Variants in SH3KBP1 observed in about 807,000 individuals in gnomAD.
SH3KBP1 encodes SH3 domain-containing kinase-binding protein 1.
Under a neutral mutation model 50.1 loss-of-function variants are expected in SH3KBP1, and 8 were observed. The ratio of observed to expected loss-of-function variants is 0.16; its 90% CI spans 0.09 to 0.29. SH3KBP1 has a LOEUF of 0.29. SH3KBP1 is among the 10% of genes least tolerant of loss of function. SH3KBP1 has a pLI of 1.00. For synonymous variants in SH3KBP1, 227 were observed against 218.6 expected, an observed-to-expected ratio of 1.04 and a Z score of -0.34; for missense variants, 377 against 535.2, an observed-to-expected ratio of 0.70 and a Z score of 2.92.
intron 3 of SH3KBP1, among the ~76,000 whole-genome samples, chrX:19,744,740 A>T (rs766773690): frequency 8.9e-6 from 1 of 111,998 alleles, no homozygotes; most frequent in Non-Finnish European, 1.9e-5. Flanking sequence ...GAAAAATTCC[A>T]TAGGGGAACT....
chrX:19,559,918 G>A (rs189435609), intron 13 of SH3KBP1, among the ~76,000 whole-genome samples: 5 of 111,071 alleles, frequency 4.5e-5, no homozygotes, highest in East Asian at 2.8e-4. Context: ...ACATTTCCCC[G>A]TAATAACTTG....
chrX:19,590,809 A>AT (rs34366083), intron 11 of SH3KBP1, among the ~76,000 whole-genome samples: 1,139 of 23,797 alleles, frequency 0.048, 256 homozygotes, highest in Non-Finnish European at 0.058. Flanking sequence ...AGGCCTGGCT[A>AT]TTTTTTTTTT....
chrX:19,653,284 C>G (rs1429977534), intron 6 of SH3KBP1, among the ~76,000 whole-genome samples: 2 of 112,182 alleles, frequency 1.8e-5, no homozygotes, highest in Non-Finnish European at 3.8e-5. Context: ...TCACACCAGC[C>G]TTTTCAATAA....
chrX:19,658,380 T>G (rs1260667187), intron 6 of SH3KBP1, among the ~76,000 whole-genome samples: 1 of 111,990 alleles, frequency 8.9e-6, no homozygotes, highest in African/African-American at 3.2e-5. Flanking sequence ...TAAATCTCGC[T>G]AACACTAAAT....
At chrX:19,627,011 T>C (rs979781761) in intron 8 of SH3KBP1, among the ~76,000 whole-genome samples, 17 of 112,261 alleles carry the variant, frequency 1.5e-4, no homozygotes, top group Admixed American at 4.7e-4. Context: ...AGCGTTCATC[T>C]TGATGTCATC....
chrX:19,822,690 G>A (rs980594686), intron 2 of SH3KBP1, among the ~76,000 whole-genome samples: 3 of 111,929 alleles, frequency 2.7e-5, no homozygotes, highest in African/African-American at 9.7e-5. Context: ...TGATTTTCCT[G>A]GTTCTTGGTA....
At chrX:19,702,378 G>T (rs1193879500) in intron 4 of SH3KBP1, among the ~76,000 whole-genome samples, 1 of 111,552 alleles carries the variant, frequency 9.0e-6, no homozygotes, top group African/African-American at 3.3e-5. Flanking sequence ...ATATTCCATG[G>T]GCACAAGAAG....
At chrX:19,809,358 T>C (rs1052815593) in intron 2 of SH3KBP1, among the ~76,000 whole-genome samples, 4 of 110,750 alleles carry the variant, frequency 3.6e-5, no homozygotes, top group African/African-American at 1.3e-4. Flanking sequence ...ACCCTGTCTC[T>C]ACTAAAATAC....
intron 3 of SH3KBP1, among the ~76,000 whole-genome samples, chrX:19,722,134 C>T (rs1355068733): frequency 2.7e-5 from 3 of 112,414 alleles, no homozygotes; most frequent in Non-Finnish European, 5.6e-5. Context: ...CACATCATAA[C>T]AAAAGAGCCA....
intron 14 of SH3KBP1, 108 bp from the exon 15 acceptor site, chrX:19,546,158 T>A (rs1173419277): frequency 1.1e-6 from 1 of 926,874 alleles, no homozygotes; most frequent in African/African-American, 1.9e-5. Flanking sequence ...TGCTATTTTG[T>A]CTTCTCACGA....
chrX:19,633,201 G>A (rs1376728804), intron 7 of SH3KBP1, among the ~76,000 whole-genome samples: 1 of 111,640 alleles, frequency 9.0e-6, no homozygotes, highest in African/African-American at 3.3e-5. Context: ...AGGAGTGAAG[G>A]GAGGAGAGGC....
chrX:19,709,214 T>C (rs986291825), intron 3 of SH3KBP1, among the ~76,000 whole-genome samples: 1 of 112,075 alleles, frequency 8.9e-6, no homozygotes. Context: ...TGACTGTTAC[T>C]GTTTTGGTAG....
intron 3 of SH3KBP1, among the ~76,000 whole-genome samples, chrX:19,745,927 G>A (rs1183041768): frequency 8.9e-6 from 1 of 112,494 alleles, no homozygotes; most frequent in Non-Finnish European, 1.9e-5. Flanking sequence ...AGCAGTTGGA[G>A]AGAGAAATAA....
rs1431856364 is a variant in SH3KBP1, at chrX:19,534,995, A to G, written c.*1422T>C. On this transcript the variant is annotated 3_prime_UTR_variant, in exon 18 of 18. Transcript: ENST00000397821. ...TCTATTAATGTTTAGTAGTTTCACT[A>G]TTAAACTCAGGAAAGAGACAAAGCA... 1 of 296,239 alleles carries G rather than the reference A, an allele frequency of 3.4e-6. No homozygotes were observed. The highest frequency in any genetic ancestry group is 4.8e-5 in the East Asian group (1 of 21,032). The allele number at this position is 296,239 out of a possible 1,213,427, so 24.4% of individuals were successfully genotyped here.
intron 9 of SH3KBP1, among the ~76,000 whole-genome samples, chrX:19,597,611 G>A (rs181567450): frequency 3.3e-3 from 371 of 111,573 alleles, no homozygotes; most frequent in African/African-American, 0.011. Flanking sequence ...TAGAGATGGA[G>A]TCTTGCTATG....
At chrX:19,645,793 G>A (rs1474563659) in intron 6 of SH3KBP1, among the ~76,000 whole-genome samples, 4 of 112,053 alleles carry the variant, frequency 3.6e-5, no homozygotes, top group Non-Finnish European at 1.9e-5. Context: ...CTCAGTTTAT[G>A]AGAAGCTGAC....
chrX:19,590,528 A>G (rs1384315908), intron 11 of SH3KBP1, among the ~76,000 whole-genome samples: 1 of 111,270 alleles, frequency 9.0e-6, no homozygotes, highest in Non-Finnish European at 1.9e-5. Flanking sequence ...CCTAGTCCAT[A>G]TGTCAGCATG....
In SH3KBP1 at chrX:19,599,079, C is replaced by T. The variant is rs1419061260; in HGVS notation, c.1006-4079G>A. 2.7e-5 allele frequency among the ~76,000 whole-genome samples: 3 copies of T among 111,326 alleles called. No homozygotes were observed. In the Admixed American group the frequency reaches 2.9e-4, roughly 11 times the overall value. On this transcript the variant is annotated intron_variant, in intron 9 of 17. Transcript: ENST00000397821. ...CTTATTTACAAAACTGCCAACACCCCGTGGCCTTATTCTTCCCAGCCAAGT... is the reference window on the plus strand; with the variant it reads ...CTTATTTACAAAACTGCCAACACCCTGTGGCCTTATTCTTCCCAGCCAAGT...
intron 2 of SH3KBP1, among the ~76,000 whole-genome samples, chrX:19,819,580 G>A (rs1016532079): frequency 1.8e-5 from 2 of 110,820 alleles, no homozygotes; most frequent in African/African-American, 3.3e-5. Context: ...AAAGTCCTGG[G>A]CTCAAGTGAT....
Sources: allele counts gnomAD v4.1 joint callset (sites outside exome capture counted in the v4.1 genomes callset), GRCh38; gene constraint gnomAD v4.1.1; transcripts MANE v1.5; gene names NCBI Gene and HGNC (gene_info 2026-07-23, HGNC 2026-07-21).